Variants in MBNL2 observed in about 807,000 individuals in gnomAD.
MBNL2 encodes the protein muscleblind like splicing regulator 2, also known as muscleblind-like protein 2.
Under a neutral mutation model 41.9 loss-of-function variants are expected in MBNL2, and 17 were observed. The observed-to-expected ratio is 0.41, with a 90% CI of 0.28 to 0.61. The LOEUF (loss-of-function observed/expected upper bound fraction) is 0.61, where lower values mean the gene tolerates loss of function less well. Among genes scored for constraint, MBNL2 ranks in the 20% least tolerant of loss-of-function variants. The probability of loss-of-function intolerance (pLI) is 0.35; values close to 1 mark genes in which losing one functional copy is unlikely to be tolerated. For missense variants in MBNL2, 336 were observed against 505.6 expected, an observed-to-expected ratio of 0.66 and a Z score of 3.22; for synonymous variants, 195 against 182.9, an observed-to-expected ratio of 1.07 and a Z score of -0.53.
chr13:97,262,410 C>G (rs577820314), intron 1 of MBNL2, among the ~76,000 whole-genome samples: 21 of 152,276 alleles, frequency 1.4e-4, no homozygotes, highest in African/African-American at 4.8e-4. Flanking sequence ...AAACTCTGAA[C>G]CTTTCTCCCT....
the MBNL2 span, among the ~76,000 whole-genome samples, chr13:97,192,615 T>A: frequency 4.6e-4 from 70 of 152,304 alleles, no homozygotes; most frequent in African/African-American, 1.6e-3. Context: ...GTCCATGGTT[T>A]GGCAATCAGG....
chr13:97,182,170 G>A, the MBNL2 span, among the ~76,000 whole-genome samples: 1 of 152,164 alleles, frequency 6.6e-6, no homozygotes, highest in African/African-American at 2.4e-5. Context: ...CATATGGATG[G>A]AACCCAGGCA....
At position 97,391,305 on chromosome 13, in the gene MBNL2, G is replaced by A. The variant is rs147322113; in HGVS notation, c.1049-17G>A. 1.5e-4 allele frequency: 164 copies of A among 1,091,112 alleles called. 2 individuals carry two copies. In the African/African-American group the frequency reaches 2.4e-3, roughly 16 times the overall value. The allele number at this position is 1,091,112 out of a possible 1,614,324, so 67.6% of individuals were successfully genotyped here. ...CCAGAAGGATACCTAAATCATGCTT[G>A]TCTTTCTCTTTAACAGATAATTCTG... On this transcript the variant is annotated splice_polypyrimidine_tract_variant and intron_variant, in intron 8 of 8. Coordinates refer to ENST00000679496, the MANE Select transcript of MBNL2 (RefSeq NM_001382683.1).
the MBNL2 span, among the ~76,000 whole-genome samples, chr13:97,184,315 T>TA: frequency 4.6e-5 from 7 of 152,262 alleles, no homozygotes; most frequent in South Asian, 4.1e-4. Context: ...TCTCTTTTCT[T>TA]AAAAAAATTG....
At chr13:97,336,545 G>T (rs938685104) in intron 3 of MBNL2, among the ~76,000 whole-genome samples, 1 of 152,146 alleles carries the variant, frequency 6.6e-6, no homozygotes, top group African/African-American at 2.4e-5. Flanking sequence ...CAGAAGAGGA[G>T]CAAGGCAGTG....
chr13:97,276,923 T>C (rs909925115), intron 2 of MBNL2, among the ~76,000 whole-genome samples: 1 of 152,110 alleles, frequency 6.6e-6, no homozygotes, highest in Non-Finnish European at 1.5e-5. Flanking sequence ...TACTTGAGAA[T>C]CTACTTCATG....
At chr13:97,231,818 C>T (rs904128114) in intron 1 of MBNL2, among the ~76,000 whole-genome samples, 2 of 145,638 alleles carry the variant, frequency 1.4e-5, no homozygotes, top group African/African-American at 5.0e-5. Flanking sequence ...TTTTTATTAT[C>T]CTAAGGAATA....
upstream of MBNL2, among the ~76,000 whole-genome samples, chr13:97,221,890 C>T (rs2040889561): frequency 6.6e-6 from 1 of 152,146 alleles, no homozygotes; most frequent in Non-Finnish European, 1.5e-5. Flanking sequence ...TATTAACTGC[C>T]ATGGCAGACG....
intron 5 of MBNL2, among the ~76,000 whole-genome samples, chr13:97,347,694 G>C (rs1468780016): frequency 1.3e-5 from 2 of 152,176 alleles, no homozygotes; most frequent in Admixed American, 1.3e-4. Flanking sequence ...ACCTAGGCTT[G>C]CTTCCCTGAG....
chr13:97,189,648 G>A, the MBNL2 span, among the ~76,000 whole-genome samples: 1 of 152,042 alleles, frequency 6.6e-6, no homozygotes, highest in Non-Finnish European at 1.5e-5. Context: ...GTGTCCATTT[G>A]CATACATATA....
At chr13:97,274,695 CT>C (rs1360557914) in intron 1 of MBNL2, among the ~76,000 whole-genome samples, 1 of 152,102 alleles carries the variant, frequency 6.6e-6, no homozygotes, top group Non-Finnish European at 1.5e-5. Context: ...AACTTCTGGA[CT>C]TTAGTCCTTT....
At chr13:97,266,656 T>G (rs2049876241) in intron 1 of MBNL2, among the ~76,000 whole-genome samples, 1 of 152,178 alleles carries the variant, frequency 6.6e-6, no homozygotes, top group South Asian at 2.1e-4. Flanking sequence ...TAAATTAGTC[T>G]CCAGAAATAG....
intron 5 of MBNL2, among the ~76,000 whole-genome samples, chr13:97,351,223 AAAAC>A: frequency 6.6e-6 from 1 of 152,216 alleles, no homozygotes; most frequent in South Asian, 2.1e-4. Flanking sequence ...CTGTGGGCTT[AAAAC>A]ATTCAGTAAA....
At chr13:97,211,377 C>T in the MBNL2 span, among the ~76,000 whole-genome samples, 18 of 152,148 alleles carry the variant, frequency 1.2e-4, no homozygotes, top group East Asian at 2.9e-3. Context: ...TTGAGAGAGA[C>T]GAGGGTTGCA....
chr13:97,342,875 T>C (rs2061544147), intron 3 of MBNL2, 141 bp from the exon 4 acceptor site: 1 of 561,710 alleles, frequency 1.8e-6, no homozygotes, highest in Non-Finnish European at 3.2e-6. Context: ...ATGGATGTCA[T>C]TTTTATTATA....
At chr13:97,152,957 A>T in the MBNL2 span, among the ~76,000 whole-genome samples, 1 of 152,152 alleles carries the variant, frequency 6.6e-6, no homozygotes, top group Non-Finnish European at 1.5e-5. Context: ...TCTAGATTGG[A>T]GCAGGAAGAC....
At chr13:97,353,940 C>G (rs1363469701) in intron 5 of MBNL2, among the ~76,000 whole-genome samples, 2 of 151,092 alleles carry the variant, frequency 1.3e-5, no homozygotes, top group African/African-American at 4.9e-5. Flanking sequence ...TCATTGTTGT[C>G]AGTGTTTTCT....
intron 2 of MBNL2, among the ~76,000 whole-genome samples, chr13:97,322,281 G>GT (rs1566415936): frequency 6.6e-6 from 1 of 152,068 alleles, no homozygotes; most frequent in Non-Finnish European, 1.5e-5. Context: ...TTCCCAGGCT[G>GT]TTTTTTCTGA....
chr13:97,237,261 G>A (rs1418389059), intron 1 of MBNL2, among the ~76,000 whole-genome samples: 2 of 152,246 alleles, frequency 1.3e-5, no homozygotes, highest in Admixed American at 1.3e-4. Context: ...CTTATGCATG[G>A]TGAGGGACCC....
Sources: allele counts gnomAD v4.1 joint callset (sites outside exome capture counted in the v4.1 genomes callset), GRCh38; gene constraint gnomAD v4.1.1; transcripts MANE v1.5; gene names NCBI Gene and HGNC (gene_info 2026-07-23, HGNC 2026-07-21).